Variants in PDE1C observed in about 807,000 individuals in gnomAD.
PDE1C encodes the protein dual specificity calcium/calmodulin-dependent 3',5'-cyclic nucleotide phosphodiesterase 1C.
PDE1C carries 62 observed loss-of-function variants against 93.1 expected under a neutral mutation model. The observed-to-expected ratio is 0.67, with a 90% CI of 0.54 to 0.82. PDE1C has a LOEUF of 0.82. PDE1C is among the 40% of genes least tolerant of loss of function. The pLI, the probability that PDE1C is intolerant of heterozygous loss-of-function variation, is 0.00. For synonymous variants in PDE1C, 325 were observed against 310.1 expected (o/e 1.05, Z -0.50); for missense variants, 742 against 884.6 (o/e 0.84, Z 2.04).
intron 3 of PDE1C, among the ~76,000 whole-genome samples, chr7:32,078,457 A>G (rs77845260): frequency 0.071 from 10,829 of 152,190 alleles, 426 homozygotes; most frequent in African/African-American, 0.083. Flanking sequence ...TGAAGAAAGG[A>G]GGTCTCTTGG....
intron 1 of PDE1C, among the ~76,000 whole-genome samples, chr7:32,267,645 T>C (rs947625391): frequency 2.1e-4 from 29 of 140,860 alleles, no homozygotes; most frequent in Admixed American, 1.7e-3. Context: ...CAAATGACAG[T>C]ACCCCAACCA....
chr7:32,223,414 G>C (rs181680145), intron 1 of PDE1C, among the ~76,000 whole-genome samples: 2 of 152,164 alleles, frequency 1.3e-5, no homozygotes, highest in East Asian at 3.9e-4. Context: ...GCACAGGGAA[G>C]TTAGGTGACC....
At chr7:31,944,743 G>A (rs1263328282) in intron 2 of PDE1C, among the ~76,000 whole-genome samples, 1 of 151,934 alleles carries the variant, frequency 6.6e-6, no homozygotes, top group Admixed American at 6.6e-5. Context: ...TGTAAACATC[G>A]ACAACTAAAA....
the PDE1C span, among the ~76,000 whole-genome samples, chr7:31,733,103 G>A: frequency 6.6e-6 from 1 of 152,152 alleles, no homozygotes; most frequent in Non-Finnish European, 1.5e-5. Context: ...CCCCTAAAGG[G>A]CACATACATA....
intron 5 of PDE1C, among the ~76,000 whole-genome samples, chr7:31,875,367 T>C (rs1297240645): frequency 4.6e-5 from 7 of 152,144 alleles, no homozygotes; most frequent in Non-Finnish European, 1.5e-5. Flanking sequence ...ACGGATGTCC[T>C]CTTTGGTCCC....
At chr7:32,416,044 C>G (rs1323089852) in intron 1 of PDE1C, among the ~76,000 whole-genome samples, 3 of 152,162 alleles carry the variant, frequency 2.0e-5, no homozygotes, top group Non-Finnish European at 2.9e-5. Flanking sequence ...TCCCTGATGC[C>G]AGCACACGCC....
chr7:31,984,483 G>A (rs1024322182), intron 2 of PDE1C, among the ~76,000 whole-genome samples: 6 of 152,120 alleles, frequency 3.9e-5, no homozygotes, highest in African/African-American at 9.7e-5. Flanking sequence ...CCTCAAAGTC[G>A]CTCCTTGTTT....
chr7:32,240,275 T>C (rs1808447041), intron 1 of PDE1C, among the ~76,000 whole-genome samples: 2 of 152,218 alleles, frequency 1.3e-5, no homozygotes, highest in African/African-American at 4.8e-5. Flanking sequence ...AATGATTATC[T>C]GGATTAAATA....
At chr7:31,802,255 A>G (rs1336828994) in intron 16 of PDE1C, among the ~76,000 whole-genome samples, 2 of 151,486 alleles carry the variant, frequency 1.3e-5, no homozygotes, top group Admixed American at 1.3e-4. Flanking sequence ...TGATTGCTTT[A>G]GAGTTTATAA....
chr7:31,966,033 G>C (rs1809893758), intron 2 of PDE1C, among the ~76,000 whole-genome samples: 1 of 152,154 alleles, frequency 6.6e-6, no homozygotes, highest in Non-Finnish European at 1.5e-5. Flanking sequence ...ATCAAGGCTA[G>C]GAAGAAACTG....
At chr7:31,871,496 A>C (rs1795948107) in intron 6 of PDE1C, among the ~76,000 whole-genome samples, 1 of 152,094 alleles carries the variant, frequency 6.6e-6, no homozygotes, top group Admixed American at 6.5e-5. Flanking sequence ...AATGTACAGG[A>C]AACTCAAACA....
chr7:31,907,186 T>C (rs1045655566), intron 2 of PDE1C, among the ~76,000 whole-genome samples: 1 of 151,990 alleles, frequency 6.6e-6, no homozygotes, highest in South Asian at 2.1e-4. Context: ...TGTTCAAGGA[T>C]GCCGAGAGCA....
chr7:32,254,970 A>G (rs1809677022), intron 1 of PDE1C, among the ~76,000 whole-genome samples: 1 of 152,160 alleles, frequency 6.6e-6, no homozygotes, highest in East Asian at 1.9e-4. Flanking sequence ...AAATCAAACA[A>G]ACATTTTTCC....
Position 31,815,978 on chromosome 7 carries a change from G to C in PDE1C, c.1759C>G (p.Pro587Ala), listed in dbSNP as rs779967856. The change falls in exon 15 of 18, where the codon CCT becomes GCT. Residue 587 changes from proline to alanine, a missense_variant. Transcript: ENST00000396191. ...TCGGCTTTGGAGTTTTTCCCACGAG[G>C]GTTGTCACTTTTGTTTGCCCGTGTT... ...NGTRANKSDN[P>A]RGKNSKAEKS... 2.0e-5 allele frequency: 32 copies of C among 1,613,944 alleles called. No individual in the cohort carries two copies. In the East Asian group the frequency reaches 5.1e-4, roughly 26 times the overall value.
chr7:32,067,320 G>C (rs1235013537), intron 1 of PDE1C, among the ~76,000 whole-genome samples: 1 of 152,182 alleles, frequency 6.6e-6, no homozygotes, highest in Admixed American at 6.5e-5. Flanking sequence ...CCAAAAGCAA[G>C]TGACCAAAGC....
intron 1 of PDE1C, among the ~76,000 whole-genome samples, chr7:32,414,600 T>C (rs1285452461): frequency 1.3e-5 from 2 of 152,180 alleles, no homozygotes; most frequent in African/African-American, 4.8e-5. Context: ...TTAAAAGAAG[T>C]TGGCATTTGG....
chr7:32,422,692 C>T (rs1016446486), intron 1 of PDE1C, among the ~76,000 whole-genome samples: 8 of 152,120 alleles, frequency 5.3e-5, no homozygotes, highest in African/African-American at 1.9e-4. Flanking sequence ...ACAGCACATA[C>T]CAATCTTTAA....
At chr7:32,325,014 G>C (rs1345215363) in intron 1 of PDE1C, among the ~76,000 whole-genome samples, 1 of 152,192 alleles carries the variant, frequency 6.6e-6, no homozygotes, top group East Asian at 1.9e-4. Flanking sequence ...AAACTTATTT[G>C]ACCAAGGAAC....
At chr7:32,200,708 G>A (rs992372958) in intron 2 of PDE1C, among the ~76,000 whole-genome samples, 1 of 152,166 alleles carries the variant, frequency 6.6e-6, no homozygotes, top group African/African-American at 2.4e-5. Context: ...ACAGGCAGCA[G>A]GTGGAAGCTG....
Sources: gnomAD v4.1 joint callset for allele counts (sites outside exome capture counted in the v4.1 genomes callset) on GRCh38, gnomAD v4.1.1 for gene constraint, MANE v1.5 for transcripts, NCBI Gene and HGNC (gene_info 2026-07-23, HGNC 2026-07-21) for gene names.